The following ABTB3 variants were observed in gnomAD, a reference collection of about 807,000 sequenced individuals.
The protein encoded by ABTB3 is ankyrin repeat- and BTB/POZ domain-containing protein 3.
At chr12:107,358,896 G>A in the ABTB3 span, among the ~76,000 whole-genome samples, 2 of 152,148 alleles carry the variant, frequency 1.3e-5, no homozygotes, top group African/African-American at 2.4e-5. Context: ...GGCCTCCACC[G>A]TCTATTTTAA....
chr12:107,469,981 T>TC, the ABTB3 span, among the ~76,000 whole-genome samples: 1 of 90,922 alleles, frequency 1.1e-5, no homozygotes, highest in African/African-American at 6.8e-5. Context: ...TCTTTCTTTC[T>TC]TTCTTTCTTT....
chr12:107,560,869 G>A, the ABTB3 span, among the ~76,000 whole-genome samples: 7 of 152,162 alleles, frequency 4.6e-5, no homozygotes, highest in Non-Finnish European at 8.8e-5. Context: ...TGTTTGTTTG[G>A]TGGCTGTGTT....
chr12:107,628,762 T>G, the ABTB3 span, among the ~76,000 whole-genome samples: 1 of 152,202 alleles, frequency 6.6e-6, no homozygotes, highest in Non-Finnish European at 1.5e-5. Context: ...TGATACATTC[T>G]CTTTTAGCCC....
At chr12:107,535,634 T>A in the ABTB3 span, among the ~76,000 whole-genome samples, 1 of 152,038 alleles carries the variant, frequency 6.6e-6, no homozygotes, top group Non-Finnish European at 1.5e-5. Context: ...ACAAACTAGT[T>A]GAAAAACAAA....
the ABTB3 span, among the ~76,000 whole-genome samples, chr12:107,423,974 A>G: frequency 6.6e-6 from 1 of 152,196 alleles, no homozygotes; most frequent in African/African-American, 2.4e-5. Context: ...TTGTCAGTTA[A>G]GAAGATTCCC....
chr12:107,356,256 G>C, the ABTB3 span, among the ~76,000 whole-genome samples: 1 of 152,142 alleles, frequency 6.6e-6, no homozygotes, highest in Non-Finnish European at 1.5e-5. Context: ...CTTACCACCA[G>C]GTACCATAAG....
the ABTB3 span, among the ~76,000 whole-genome samples, chr12:107,573,464 CGATGGATG>C: frequency 3.5e-3 from 484 of 139,616 alleles, no homozygotes; most frequent in African/African-American, 9.3e-3. Context: ...GTGGATGAAT[CGATGGATG>C]GATGGATGGA....
At chr12:107,341,055 A>AC in the ABTB3 span, among the ~76,000 whole-genome samples, 2 of 152,168 alleles carry the variant, frequency 1.3e-5, no homozygotes, top group Admixed American at 1.3e-4. Context: ...AGGGCTGGGC[A>AC]CAGACTCCAA....
chr12:107,436,276 G>C, the ABTB3 span, among the ~76,000 whole-genome samples: 1 of 152,190 alleles, frequency 6.6e-6, no homozygotes, highest in Non-Finnish European at 1.5e-5. Context: ...GGAATGACCC[G>C]CCATCCCGGT....
the ABTB3 span, among the ~76,000 whole-genome samples, chr12:107,341,091 CTA>C: frequency 6.6e-6 from 1 of 152,128 alleles, no homozygotes; most frequent in Non-Finnish European, 1.5e-5. Context: ...GCTGGGAGCT[CTA>C]TGAGCAGAAG....
chr12:107,522,123 T>C, the ABTB3 span, among the ~76,000 whole-genome samples: 4 of 151,788 alleles, frequency 2.6e-5, no homozygotes, highest in African/African-American at 9.7e-5. Context: ...TGGGGGAAGG[T>C]ATTCCTCTTC....
At chr12:107,356,178 A>T in the ABTB3 span, among the ~76,000 whole-genome samples, 46 of 152,306 alleles carry the variant, frequency 3.0e-4, no homozygotes, top group Non-Finnish European at 2.8e-4. Flanking sequence ...AAATGGCGTG[A>T]TATACGGGGA....
chr12:107,497,900 C>T, the ABTB3 span, among the ~76,000 whole-genome samples: 4 of 152,160 alleles, frequency 2.6e-5, no homozygotes, highest in Non-Finnish European at 1.5e-5. Flanking sequence ...CATGTCAGGA[C>T]GTGGAGCCTG....
chr12:107,402,252 C>G, the ABTB3 span, among the ~76,000 whole-genome samples: 1 of 152,152 alleles, frequency 6.6e-6, no homozygotes, highest in African/African-American at 2.4e-5. Context: ...AGTGGCAGAG[C>G]TGGAATGTGA....
chr12:107,387,726 G>C, the ABTB3 span, among the ~76,000 whole-genome samples: 1 of 152,164 alleles, frequency 6.6e-6, no homozygotes, highest in Non-Finnish European at 1.5e-5. Flanking sequence ...TAGACCACCA[G>C]GCCATAGCAG....
At chr12:107,520,596 G>C in the ABTB3 span, 1 of 1,614,230 alleles carries the variant, frequency 6.2e-7, no homozygotes, top group Admixed American at 1.7e-5. Flanking sequence ...CCATCGAGCA[G>C]TCTTTGCTGG....
At chr12:107,478,384 A>G in the ABTB3 span, among the ~76,000 whole-genome samples, 3 of 152,210 alleles carry the variant, frequency 2.0e-5, no homozygotes, top group African/African-American at 7.2e-5. Flanking sequence ...GAAGAGCCAC[A>G]TGGGTCTAGT....
the ABTB3 span, chr12:107,657,566 A>G: frequency 6.2e-7 from 1 of 1,614,198 alleles, no homozygotes; most frequent in African/African-American, 1.3e-5. Flanking sequence ...CAAAAACATG[A>G]TGGTCCTCAT....
chr12:107,509,539 A>G, the ABTB3 span, among the ~76,000 whole-genome samples: 1,712 of 152,288 alleles, frequency 0.011, 34 homozygotes, highest in African/African-American at 0.039. Flanking sequence ...CCCCCTACCC[A>G]CTAGTTTACT....
Sources: gnomAD v4.1 joint callset for allele counts (sites outside exome capture counted in the v4.1 genomes callset) on GRCh38, gnomAD v4.1.1 for gene constraint, MANE v1.5 for transcripts, NCBI Gene and HGNC (gene_info 2026-07-23, HGNC 2026-07-21) for gene names.